PRKCE: variants seen among roughly 807,000 people sequenced by gnomAD.
PRKCE encodes protein kinase C epsilon type.
In PRKCE, 16 loss-of-function variants were observed where a neutral mutation model predicts 85.4. That is an observed-to-expected ratio of 0.19 (90% confidence interval 0.13 to 0.28). The LOEUF is 0.28. Ranked by LOEUF, PRKCE falls within the 10% of genes least tolerant of loss-of-function variation. The pLI is 1.00. For synonymous variants in PRKCE, 388 were observed against 371.5 expected (o/e 1.04, Z -0.51); for missense variants, 573 against 975.2 (o/e 0.59, Z 5.49).
At chr2:45,899,722 G>T (rs920996739) in intron 2 of PRKCE, among the ~76,000 whole-genome samples, 1 of 152,130 alleles carries the variant, frequency 6.6e-6, no homozygotes, top group Admixed American at 6.6e-5. Context: ...GTTCCCGAAG[G>T]CCCTGAATTC....
At chr2:46,011,236 C>G (rs1381322557) in intron 10 of PRKCE, among the ~76,000 whole-genome samples, 3 of 152,114 alleles carry the variant, frequency 2.0e-5, no homozygotes, top group African/African-American at 7.2e-5. Context: ...TATTTTGCTT[C>G]TTGAGAAGGC....
intron 10 of PRKCE, among the ~76,000 whole-genome samples, chr2:46,083,439 A>C (rs879731115): frequency 6.6e-5 from 10 of 152,094 alleles, no homozygotes; most frequent in South Asian, 4.1e-4. Flanking sequence ...TGGGGAGGGG[A>C]GATTTTTTCC....
intron 10 of PRKCE, among the ~76,000 whole-genome samples, chr2:46,040,996 G>T (rs529728293): frequency 6.6e-6 from 1 of 152,298 alleles, no homozygotes; most frequent in East Asian, 1.9e-4. Flanking sequence ...TCAGGGCACG[G>T]TTTATATTTC....
chr2:45,945,756 C>T (rs1700201796), intron 2 of PRKCE, among the ~76,000 whole-genome samples: 1 of 152,220 alleles, frequency 6.6e-6, no homozygotes, highest in South Asian at 2.1e-4. Flanking sequence ...TGGTGGGGGG[C>T]CAGATTAGAA....
chr2:45,709,475 G>T (rs140927184), intron 1 of PRKCE, among the ~76,000 whole-genome samples: 31 of 152,360 alleles, frequency 2.0e-4, no homozygotes, highest in East Asian at 1.9e-3. Flanking sequence ...CAGCAGCTGG[G>T]TGTGGACTAG....
chr2:46,146,290 A>C (rs1676062550), intron 12 of PRKCE, among the ~76,000 whole-genome samples: 1 of 152,248 alleles, frequency 6.6e-6, no homozygotes, highest in Non-Finnish European at 1.5e-5. Context: ...ATCCCCACTA[A>C]ACATCGCCCA....
At chr2:45,717,373 C>G (rs1165245665) in intron 1 of PRKCE, among the ~76,000 whole-genome samples, 1 of 152,230 alleles carries the variant, frequency 6.6e-6, no homozygotes, top group Non-Finnish European at 1.5e-5. Context: ...CTCAATCAAT[C>G]ATCTATCTCC....
At chr2:45,942,674 T>C (rs1049651524) in intron 2 of PRKCE, among the ~76,000 whole-genome samples, 1 of 152,238 alleles carries the variant, frequency 6.6e-6, no homozygotes, top group Admixed American at 6.5e-5. Flanking sequence ...CTGTGCTTTG[T>C]TGTGTAAGCA....
At chr2:46,171,845 G>A (rs972150376) in intron 14 of PRKCE, among the ~76,000 whole-genome samples, 4 of 152,136 alleles carry the variant, frequency 2.6e-5, no homozygotes, top group Admixed American at 6.5e-5. Context: ...GTGGAGCTCC[G>A]GTCCAGTGGA....
In PRKCE at chr2:46,010,153, C is replaced by T. The variant is rs61758290; in HGVS notation, c.1264-191C>T. 4.4e-3 allele frequency among the ~76,000 whole-genome samples: 664 copies of T among 152,300 alleles called. 5 individuals carry two copies. The highest frequency in any genetic ancestry group is 0.015 in the African/African-American group (627 of 41,562). On this transcript the variant is annotated intron_variant, in intron 9 of 14. Coordinates refer to ENST00000306156, the MANE Select transcript of PRKCE (RefSeq NM_005400.3). ...ATGTTGCCCATGCTGATCTGTAACT[C>T]CTGGGCTCAAATGATCCTTCTACCT... is the stretch of plus-strand genomic sequence containing the variant.
intron 2 of PRKCE, among the ~76,000 whole-genome samples, chr2:45,906,467 A>G (rs1012130305): frequency 1.4e-4 from 21 of 152,272 alleles, no homozygotes; most frequent in Non-Finnish European, 2.9e-4. Flanking sequence ...AGTTAAACCA[A>G]GACAAGTCCT....
intron 1 of PRKCE, among the ~76,000 whole-genome samples, chr2:45,656,662 A>T (rs913828633): frequency 3.9e-5 from 6 of 152,240 alleles, no homozygotes; most frequent in African/African-American, 1.2e-4. Context: ...ATCCATATAG[A>T]TAAAAATATA....
At chr2:46,140,446 T>G (rs181597503) in intron 11 of PRKCE, among the ~76,000 whole-genome samples, 64 of 152,282 alleles carry the variant, frequency 4.2e-4, no homozygotes, top group Non-Finnish European at 1.0e-4. Flanking sequence ...CTATTCAACG[T>G]AAGGGACTGG....
chr2:45,918,414 G>T (rs1286792625), intron 2 of PRKCE, among the ~76,000 whole-genome samples: 1 of 152,136 alleles, frequency 6.6e-6, no homozygotes, highest in Non-Finnish European at 1.5e-5. Context: ...TTAAACTCTG[G>T]TCATTGTACC....
chr2:46,157,178 G>T (rs79815065), intron 13 of PRKCE, among the ~76,000 whole-genome samples: 3 of 152,242 alleles, frequency 2.0e-5, no homozygotes, highest in African/African-American at 7.2e-5. Flanking sequence ...TTTGTCTCCT[G>T]ATTCCCGGAG....
chr2:45,956,202 T>C (rs1700965098), intron 2 of PRKCE, among the ~76,000 whole-genome samples: 1 of 152,206 alleles, frequency 6.6e-6, no homozygotes, highest in African/African-American at 2.4e-5. Flanking sequence ...CACCAATTTG[T>C]TTGGTTGTCC....
At chr2:45,813,105 G>A (rs1343599383) in intron 1 of PRKCE, among the ~76,000 whole-genome samples, 1 of 152,130 alleles carries the variant, frequency 6.6e-6, no homozygotes, top group Non-Finnish European at 1.5e-5. Context: ...TCCGCTTTTG[G>A]CATCCAGTTC....
chr2:45,661,518 TTTTTGTTTTTTG>T (rs1379690064), intron 1 of PRKCE, among the ~76,000 whole-genome samples: 3 of 125,654 alleles, frequency 2.4e-5, no homozygotes, highest in African/African-American at 9.1e-5. Context: ...TTTGTTTTGT[TTTTTGTTTTTTG>T]TTTTTTTTTT....
intron 14 of PRKCE, among the ~76,000 whole-genome samples, chr2:46,171,412 C>G (rs944498223): frequency 1.3e-5 from 2 of 152,218 alleles, no homozygotes; most frequent in Non-Finnish European, 2.9e-5. Flanking sequence ...ACAGCAACAC[C>G]GCTATTGACA....
Sources: gnomAD v4.1 joint callset for allele counts (sites outside exome capture counted in the v4.1 genomes callset) on GRCh38, gnomAD v4.1.1 for gene constraint, MANE v1.5 for transcripts, NCBI Gene and HGNC (gene_info 2026-07-23, HGNC 2026-07-21) for gene names.